The following BICD1 variants were observed in gnomAD, a reference collection of about 807,000 sequenced individuals.
BICD1 encodes the protein protein bicaudal D homolog 1.
BICD1 carries 35 observed loss-of-function variants against 92.5 expected under a neutral mutation model. The observed-to-expected ratio is 0.38, with a 90% CI of 0.29 to 0.50. BICD1 has a LOEUF of 0.50. Among genes scored for constraint, BICD1 ranks in the 20% least tolerant of loss-of-function variants. The pLI is 0.93. For synonymous variants in BICD1, 429 were observed against 465.1 expected (o/e 0.92, Z 1.00); for missense variants, 950 against 1,189.8 (o/e 0.80, Z 2.97).
chr12:32,377,632 C>A lies in BICD1; in HGVS notation c.*5C>A. 2.5e-6 allele frequency: 4 copies of A among 1,610,140 alleles called. No individual in the cohort carries two copies. Among genetic ancestry groups the A allele is most frequent in the Non-Finnish European group, 3.4e-6 (4 of 1,176,390 alleles). ...TCCAAGCCTCCTCACCCCTAGTCTT[C>A]ATCTCCTGTGGACGAACATCTGGGG... On this transcript the variant is annotated 3_prime_UTR_variant, in exon 10 of 10. Coordinates refer to ENST00000652176, the MANE Select transcript of BICD1 (RefSeq NM_001714.4).
chr12:32,293,597 T>G (rs1357026281), intron 2 of BICD1, among the ~76,000 whole-genome samples: 1 of 152,116 alleles, frequency 6.6e-6, no homozygotes, highest in Non-Finnish European at 1.5e-5. Flanking sequence ...CCCAAAGTGC[T>G]GGGATTACAG....
At chr12:32,251,948 T>C (rs1399948928) in intron 2 of BICD1, among the ~76,000 whole-genome samples, 1 of 124,990 alleles carries the variant, frequency 8.0e-6, no homozygotes, top group African/African-American at 2.9e-5. Context: ...CGGGAGTTTG[T>C]TTTTTTTACA....
At chr12:32,360,782 T>C (rs1939296363) in intron 8 of BICD1, among the ~76,000 whole-genome samples, 1 of 152,208 alleles carries the variant, frequency 6.6e-6, no homozygotes, top group Non-Finnish European at 1.5e-5. Flanking sequence ...AGCCTGACCT[T>C]ATTATTAATT....
chr12:32,161,300 A>G (rs1943593989), intron 1 of BICD1, among the ~76,000 whole-genome samples: 1 of 152,230 alleles, frequency 6.6e-6, no homozygotes, highest in East Asian at 1.9e-4. Flanking sequence ...CATTAGTGAA[A>G]TCAATATGAT....
At chr12:32,119,641 G>A (rs1942071151) in intron 1 of BICD1, among the ~76,000 whole-genome samples, 1 of 152,182 alleles carries the variant, frequency 6.6e-6, no homozygotes, top group South Asian at 2.1e-4. Flanking sequence ...GGAGACCAAG[G>A]CAGATGGATC....
chr12:32,127,467 T>C (rs1227912414), intron 1 of BICD1, among the ~76,000 whole-genome samples: 1 of 152,256 alleles, frequency 6.6e-6, no homozygotes, highest in African/African-American at 2.4e-5. Flanking sequence ...TGTTTTGTGA[T>C]AAATCAAGTT....
At position 32,199,825 on chromosome 12, in the gene BICD1, G is replaced by C. The variant is rs1944853291; in HGVS notation, c.214-16422G>C. ...CCAATAAACTTGTTTGTGGAGGTCT[G>C]GGGAGTTTCTTCAGACCCACAATAA... is the stretch of plus-strand genomic sequence containing the variant. On this transcript the variant is annotated intron_variant, in intron 1 of 9. Transcript: ENST00000652176. Among the ~76,000 whole-genome samples the C allele has an allele frequency of 3.3e-5, 5 of 152,120 alleles. No homozygotes were observed. The South Asian group carries it at 1.0e-3, about 32-fold the overall frequency.
intron 4 of BICD1, among the ~76,000 whole-genome samples, chr12:32,311,744 T>C (rs1464019900): frequency 6.6e-6 from 1 of 152,186 alleles, no homozygotes; most frequent in Admixed American, 6.5e-5. Flanking sequence ...TTGTAAAATG[T>C]TTCTTATTGC....
At chr12:32,202,093 C>G (rs1189304177) in intron 1 of BICD1, among the ~76,000 whole-genome samples, 1 of 152,114 alleles carries the variant, frequency 6.6e-6, no homozygotes, top group Non-Finnish European at 1.5e-5. Context: ...CATTTTTGAA[C>G]CCAAGATTTC....
chr12:32,265,298 T>C (rs1946961253), intron 2 of BICD1, among the ~76,000 whole-genome samples: 1 of 152,174 alleles, frequency 6.6e-6, no homozygotes, highest in South Asian at 2.1e-4. Context: ...AGCTAAGTCC[T>C]TTCTTACTTC....
At chr12:32,376,854 C>T (rs1188378646) in intron 9 of BICD1, among the ~76,000 whole-genome samples, 3 of 118,386 alleles carry the variant, frequency 2.5e-5, no homozygotes, top group East Asian at 2.4e-4. Context: ...GGCAAAACAA[C>T]GAGACTCCAT....
intron 4 of BICD1, among the ~76,000 whole-genome samples, chr12:32,307,155 C>T (rs1948251966): frequency 6.6e-6 from 1 of 152,122 alleles, no homozygotes; most frequent in Non-Finnish European, 1.5e-5. Context: ...TTTATAGCTT[C>T]CAGATTTATG....
chr12:32,166,130 A>ATTT (rs1179893894), intron 1 of BICD1, among the ~76,000 whole-genome samples: 3 of 31,530 alleles, frequency 9.5e-5, no homozygotes, highest in African/African-American at 1.4e-4. Context: ...TTATTTATTT[A>ATTT]TTTATTTATT....
At position 32,106,900 on chromosome 12, in the gene BICD1, C is replaced by CGAGAGAGT. The variant is rs1314268176; in HGVS notation, c.-429_-428insAGAGTGAG. On this transcript the variant is annotated 5_prime_UTR_variant, in exon 1 of 10. Coordinates refer to ENST00000652176, the MANE Select transcript of BICD1 (RefSeq NM_001714.4). ...AGAGGGAGCAGGTGGAGCGAGAGAG[C>CGAGAGAGT]GAGCCGCGAGCCGGAGCGCGCCAGA... The CGAGAGAGT allele has an allele frequency of 5.7e-6, 1 of 175,730 alleles. No individual in the cohort carries two copies. Among genetic ancestry groups the CGAGAGAGT allele is most frequent in the African/African-American group, 2.4e-5 (1 of 41,462 alleles). 10.9% of individuals were successfully genotyped at this position (175,730 alleles called of 1,614,324 possible).
chr12:32,165,243 C>T (rs1374326098), intron 1 of BICD1, among the ~76,000 whole-genome samples: 5 of 152,100 alleles, frequency 3.3e-5, no homozygotes, highest in Admixed American at 1.3e-4. Context: ...TGGCCGGGCG[C>T]GGTGGCTCAT....
chr12:32,257,534 A>T (rs2136119750), intron 2 of BICD1, among the ~76,000 whole-genome samples: 1 of 152,292 alleles, frequency 6.6e-6, no homozygotes, highest in South Asian at 2.1e-4. Context: ...AAACATTGAG[A>T]GTAGGCATGT....
chr12:32,331,647 G>C (rs1305379249), intron 5 of BICD1, among the ~76,000 whole-genome samples: 1 of 152,008 alleles, frequency 6.6e-6, no homozygotes, highest in Non-Finnish European at 1.5e-5. Flanking sequence ...ACAAAGTTTT[G>C]ACTGCCACTC....
chr12:32,241,752 C>T (rs1476735645), intron 2 of BICD1, among the ~76,000 whole-genome samples: 3 of 152,142 alleles, frequency 2.0e-5, no homozygotes, highest in East Asian at 3.8e-4. Flanking sequence ...AGACTTTCCC[C>T]AGTGTATCCC....
chr12:32,237,325 G>A (rs965657699), intron 2 of BICD1, among the ~76,000 whole-genome samples: 3 of 152,192 alleles, frequency 2.0e-5, no homozygotes, highest in Admixed American at 2.0e-4. Flanking sequence ...AACATAAAAG[G>A]GCAAGTAAAC....
Sources: allele counts gnomAD v4.1 joint callset (sites outside exome capture counted in the v4.1 genomes callset), GRCh38; gene constraint gnomAD v4.1.1; transcripts MANE v1.5; gene names NCBI Gene and HGNC (gene_info 2026-07-23, HGNC 2026-07-21).